ZFHX3: variants seen among roughly 807,000 people sequenced by gnomAD.
ZFHX3 encodes zinc finger homeobox protein 3.
ZFHX3 carries 42 observed loss-of-function variants against 279.1 expected under a neutral mutation model. The ratio of observed to expected loss-of-function variants is 0.15; its 90% confidence interval spans 0.12 to 0.19. The LOEUF (loss-of-function observed/expected upper bound fraction) is 0.19. Among genes scored for constraint, ZFHX3 ranks in the 10% least tolerant of loss-of-function variants. The pLI, the probability that ZFHX3 is intolerant of heterozygous loss-of-function variation, is 1.00. For missense variants in ZFHX3, 4,981 were observed against 4,754.0 expected, an observed-to-expected ratio of 1.05 and a Z score of -1.40; for synonymous variants, 2,293 against 1,957.8, an observed-to-expected ratio of 1.17 and a Z score of -4.52.
At chr16:72,996,055 G>A (rs1597069446) in intron 1 of ZFHX3, among the ~76,000 whole-genome samples, 1 of 152,016 alleles carries the variant, frequency 6.6e-6, no homozygotes, top group East Asian at 1.9e-4. Flanking sequence ...ATCACCTGAG[G>A]TCAGGAGTTC....
chr16:72,877,189 C>T (rs914068503), intron 4 of ZFHX3, among the ~76,000 whole-genome samples: 1 of 152,108 alleles, frequency 6.6e-6, no homozygotes, highest in South Asian at 2.1e-4. Context: ...GGCACAGGTC[C>T]GCAGGGAATC....
chr16:73,426,588 G>A (rs2017814237), intron 3 of ZFHX3, among the ~76,000 whole-genome samples: 1 of 152,118 alleles, frequency 6.6e-6, no homozygotes, highest in South Asian at 2.1e-4. Flanking sequence ...GTGTGCATGT[G>A]TGTGTGTGAG....
At chr16:72,804,439 A>G (rs2036202522) in intron 7 of ZFHX3, among the ~76,000 whole-genome samples, 1 of 152,242 alleles carries the variant, frequency 6.6e-6, no homozygotes, top group African/African-American at 2.4e-5. Flanking sequence ...ACTTTCACAG[A>G]AAGAATATTC....
intron 4 of ZFHX3, among the ~76,000 whole-genome samples, chr16:73,290,270 A>T (rs2014735594): frequency 6.6e-6 from 1 of 152,120 alleles, no homozygotes; most frequent in Non-Finnish European, 1.5e-5. Flanking sequence ...TGAGTATAAA[A>T]CTGCAGTGTT....
intron 4 of ZFHX3, among the ~76,000 whole-genome samples, chr16:73,275,179 G>C (rs1005697231): frequency 6.6e-6 from 1 of 152,136 alleles, no homozygotes; most frequent in African/African-American, 2.4e-5. Flanking sequence ...TTGTTACTTT[G>C]TATTTGTGTT....
chr16:73,197,255 A>G (rs542643720), intron 5 of ZFHX3, among the ~76,000 whole-genome samples: 19 of 152,346 alleles, frequency 1.2e-4, no homozygotes, highest in Admixed American at 1.0e-3. Flanking sequence ...TGTGGTTACA[A>G]TGTCATAAAC....
At chr16:73,107,038 T>G (rs1411915853) in intron 7 of ZFHX3, among the ~76,000 whole-genome samples, 1 of 152,208 alleles carries the variant, frequency 6.6e-6, no homozygotes. Context: ...CTCTCTAGGC[T>G]GGGTGCAGTG....
At chr16:73,682,952 AAG>A (rs1368019326) in intron 1 of ZFHX3, among the ~76,000 whole-genome samples, 3 of 18,170 alleles carry the variant, frequency 1.7e-4, no homozygotes, top group African/African-American at 5.4e-4. Context: ...GAAAGAAAGA[AAG>A]AAAGAAAGAA....
chr16:73,358,030 A>G (rs1202413930), intron 3 of ZFHX3, among the ~76,000 whole-genome samples: 1 of 152,158 alleles, frequency 6.6e-6, no homozygotes, highest in Non-Finnish European at 1.5e-5. Flanking sequence ...TGCTCCTTCC[A>G]GGGCCTCCCA....
chr16:73,728,850 T>A (rs1451424740), intron 1 of ZFHX3, among the ~76,000 whole-genome samples: 1 of 147,820 alleles, frequency 6.8e-6, no homozygotes, highest in African/African-American at 2.5e-5. Flanking sequence ...CACACACAAG[T>A]GTAACTGCAC....
chr16:73,507,320 G>T (rs1346621444), intron 2 of ZFHX3, among the ~76,000 whole-genome samples: 1 of 152,026 alleles, frequency 6.6e-6, no homozygotes. Context: ...AGTTTAATGG[G>T]CTGAAGGCCA....
intron 1 of ZFHX3, among the ~76,000 whole-genome samples, chr16:73,694,672 A>G (rs1481901420): frequency 6.6e-6 from 1 of 152,176 alleles, no homozygotes; most frequent in Non-Finnish European, 1.5e-5. Context: ...ATGTGTTTTC[A>G]GTTTCTTTTA....
rs1206079713 is a variant in ZFHX3, at chr16:72,785,504, CTCTT to C, written c.*1656_*1659del. On this transcript the variant is annotated 3_prime_UTR_variant, in exon 10 of 10. Coordinates refer to ENST00000268489, the MANE Select transcript of ZFHX3 (RefSeq NM_006885.4). ...AACAACCTGGGAATCTTTTGTTTTT[CTCTT>C]TCTTTTATTAAACTAAGTCTTGTTT... 4 of 152,744 alleles carry C rather than the reference CTCTT, an allele frequency of 2.6e-5. No homozygotes were observed. The highest frequency in any genetic ancestry group is 6.5e-5 in the Admixed American group (1 of 15,306). 9.5% of individuals were successfully genotyped at this position (152,744 alleles called of 1,614,324 possible). A position where few individuals can be genotyped will look rare whatever the true frequency, so the allele number is the denominator to read the frequency against.
chr16:73,009,368 C>T (rs1295065115), intron 1 of ZFHX3, among the ~76,000 whole-genome samples: 1 of 151,960 alleles, frequency 6.6e-6, no homozygotes, highest in African/African-American at 2.4e-5. Context: ...AATCCACACG[C>T]CTGCACACAC....
intron 1 of ZFHX3, among the ~76,000 whole-genome samples, chr16:72,995,659 G>A (rs958331797): frequency 1.3e-5 from 2 of 152,140 alleles, no homozygotes; most frequent in Non-Finnish European, 1.5e-5. Context: ...GGCATGGTGT[G>A]CAGCAAGAAC....
chr16:73,156,885 T>A (rs1967099321), intron 5 of ZFHX3, among the ~76,000 whole-genome samples: 1 of 152,208 alleles, frequency 6.6e-6, no homozygotes, highest in Admixed American at 6.5e-5. Context: ...AGCTAATTTA[T>A]ATATTTTTAG....
At chr16:72,984,128 T>C (rs1962742596) in intron 1 of ZFHX3, among the ~76,000 whole-genome samples, 1 of 152,212 alleles carries the variant, frequency 6.6e-6, no homozygotes, top group African/African-American at 2.4e-5. Flanking sequence ...ATAACCTGTC[T>C]GCTGGCTTCC....
At chr16:72,987,619 C>G (rs1962904738) in intron 1 of ZFHX3, among the ~76,000 whole-genome samples, 1 of 152,196 alleles carries the variant, frequency 6.6e-6, no homozygotes, top group South Asian at 2.1e-4. Flanking sequence ...ACATCTGGTT[C>G]TGCCCCACCT....
chr16:73,206,242 T>C (rs1269943720), intron 5 of ZFHX3, among the ~76,000 whole-genome samples: 2 of 152,160 alleles, frequency 1.3e-5, no homozygotes, highest in East Asian at 3.8e-4. Flanking sequence ...TTTAAAAGAA[T>C]TAGGCCACCA....
Sources: gnomAD v4.1 joint callset for allele counts (sites outside exome capture counted in the v4.1 genomes callset) on GRCh38, gnomAD v4.1.1 for gene constraint, MANE v1.5 for transcripts, NCBI Gene and HGNC (gene_info 2026-07-23, HGNC 2026-07-21) for gene names.